Variants in DIP2A observed in about 807,000 individuals in gnomAD.
DIP2A encodes the protein disco-interacting protein 2 homolog A.
A neutral mutation model predicts 177.4 loss-of-function variants in DIP2A; 85 were observed. That is an observed-to-expected ratio of 0.48 (90% CI 0.40 to 0.57). DIP2A has a LOEUF of 0.57. Ranked by LOEUF, DIP2A falls within the 20% of genes least tolerant of loss-of-function variation. The pLI is 0.00. For missense variants in DIP2A, 1,791 were observed against 2,100.2 expected, an observed-to-expected ratio of 0.85 and a Z score of 2.88; for synonymous variants, 886 against 881.8, an observed-to-expected ratio of 1.00 and a Z score of -0.08.
chr21:46,466,840 G>C (rs1373566533), intron 1 of DIP2A, among the ~76,000 whole-genome samples: 1 of 152,074 alleles, frequency 6.6e-6, no homozygotes, highest in Non-Finnish European at 1.5e-5. Context: ...ACAGGAGCAG[G>C]TATGAGAATC....
chr21:46,555,451 A>G (rs796609759), intron 28 of DIP2A: 4 of 194,968 alleles, frequency 2.1e-5, no homozygotes, highest in African/African-American at 7.0e-5. Flanking sequence ...CTCAGAGCCA[A>G]ACAGCTGGCC....
chr21:46,494,213 G>A (rs1360740337), intron 3 of DIP2A, among the ~76,000 whole-genome samples: 1 of 152,212 alleles, frequency 6.6e-6, no homozygotes, highest in African/African-American at 2.4e-5. Context: ...TCAAATAAGA[G>A]CTACACATTG....
At chr21:46,580,713 G>A in the DIP2A span, among the ~76,000 whole-genome samples, 1 of 152,050 alleles carries the variant, frequency 6.6e-6, no homozygotes, top group Non-Finnish European at 1.5e-5. Flanking sequence ...ATCTTAATTT[G>A]ACCATATATA....
intron 18 of DIP2A, among the ~76,000 whole-genome samples, chr21:46,543,442 G>A (rs1569077767): frequency 6.6e-6 from 1 of 151,666 alleles, no homozygotes; most frequent in Non-Finnish European, 1.5e-5. Context: ...CCTCCCCCGG[G>A]CGTGCACACA....
In DIP2A at chr21:46,551,899, G is replaced by T; in HGVS notation, c.3025G>T (p.Ala1009Ser). The change falls in exon 25 of 38, where the codon GCC becomes TCC. Residue 1009 changes from alanine to serine, a missense_variant. By Grantham distance (99) the Ala-to-Ser change is moderately conservative (BLOSUM62 1). Coordinates refer to ENST00000417564, the MANE Select transcript of DIP2A (RefSeq NM_015151.4). ...PDHPLFLLLN[A>S]KGTVTSTATC... ...CCACCCGCTGTTCTTGCTGCTGAAC[G>T]CCAAGGTGAGGCAGTGTCACGCCCA... The T allele has an allele frequency of 6.2e-7, 1 of 1,602,562 alleles. No homozygotes were observed.
chr21:46,547,109 C>CAGTAGATGG, intron 21 of DIP2A, 67 bp downstream of exon 21: 1 of 1,574,524 alleles, frequency 6.4e-7, no homozygotes, highest in Non-Finnish European at 8.7e-7. Flanking sequence ...AGTCTTTGTG[C>CAGTAGATGG]AGTAGATGGA....
intron 8 of DIP2A, among the ~76,000 whole-genome samples, chr21:46,522,158 T>A (rs1329965462): frequency 1.3e-5 from 2 of 152,262 alleles, no homozygotes; most frequent in Non-Finnish European, 2.9e-5. Flanking sequence ...TCCCAAAGGT[T>A]ACTTAAGTCA....
Position 46,567,810 on chromosome 21 carries a change from C to T in DIP2A, c.*188C>T, listed in dbSNP as rs2060879807. 3.1e-6 allele frequency: 2 copies of T among 638,532 alleles called. No homozygotes were observed. The highest frequency in any genetic ancestry group is 4.8e-6 in the Non-Finnish European group (2 of 416,402). 39.6% of individuals were successfully genotyped at this position (638,532 alleles called of 1,614,324 possible). On this transcript the variant is annotated 3_prime_UTR_variant, in exon 38 of 38. Coordinates refer to ENST00000417564, the MANE Select transcript of DIP2A (RefSeq NM_015151.4). Reference sequence around the variant, plus strand: ...AATTATTTAAAGAAATATTTTGAATCTGCCAAGTACATTTACAAAAACACG... The same window carrying T: ...AATTATTTAAAGAAATATTTTGAATTTGCCAAGTACATTTACAAAAACACG...
chr21:46,458,977 G>C lies in DIP2A; in HGVS notation c.-155G>C, dbSNP rs1279798616. On this transcript the variant is annotated 5_prime_UTR_variant, in exon 1 of 38. Transcript: ENST00000417564. Reference sequence around the variant, plus strand: ...GCGCTCGTGCCCGCGCGGGTGCGTTGCTGTCCTGGCCGCGCCCCTGTCCCG... The same window carrying C: ...GCGCTCGTGCCCGCGCGGGTGCGTTCCTGTCCTGGCCGCGCCCCTGTCCCG... 2 of 515,600 alleles carry C rather than the reference G, an allele frequency of 3.9e-6. No individual in the cohort carries two copies. Among genetic ancestry groups the C allele is most frequent in the African/African-American group, 4.0e-5 (2 of 49,522 alleles). 31.9% of individuals were successfully genotyped at this position (515,600 alleles called of 1,614,324 possible).
At chr21:46,544,727 G>T (rs1256197359) in intron 18 of DIP2A, among the ~76,000 whole-genome samples, 1 of 152,176 alleles carries the variant, frequency 6.6e-6, no homozygotes, top group Non-Finnish European at 1.5e-5. Flanking sequence ...GCAGAGTTCT[G>T]TCAGGCTCTG....
chr21:46,465,966 C>T (rs1320093110), intron 1 of DIP2A, among the ~76,000 whole-genome samples: 1 of 151,928 alleles, frequency 6.6e-6, no homozygotes, highest in Non-Finnish European at 1.5e-5. Context: ...ATTTGGTGGA[C>T]GTTTTCTGGA....
At chr21:46,555,797 A>G (rs1186152304) in intron 28 of DIP2A, 185 bp from the exon 29 acceptor site, 3 of 607,428 alleles carry the variant, frequency 4.9e-6, no homozygotes, top group African/African-American at 1.8e-5. Context: ...TAGCGTTTCC[A>G]TGAAGAATGA....
intron 3 of DIP2A, among the ~76,000 whole-genome samples, chr21:46,495,468 A>G (rs1295501208): frequency 1.3e-5 from 2 of 151,650 alleles, no homozygotes; most frequent in African/African-American, 4.8e-5. Flanking sequence ...GGGTTTCTCC[A>G]TGTTGACCAG....
intron 1 of DIP2A, among the ~76,000 whole-genome samples, chr21:46,484,099 G>A (rs966896667): frequency 2.0e-5 from 3 of 152,088 alleles, no homozygotes; most frequent in South Asian, 2.1e-4. Flanking sequence ...GGCCTGGGAC[G>A]GCTTGTGTCC....
In DIP2A at chr21:46,564,817, G is replaced by T. The variant is rs188130650; in HGVS notation, c.4164+885G>T. Among the ~76,000 whole-genome samples the T allele has an allele frequency of 2.6e-5, 4 of 152,308 alleles. No individual in the cohort carries two copies. The East Asian group carries it at 7.7e-4, about 29-fold the overall frequency. On this transcript the variant is annotated intron_variant, in intron 35 of 37. Coordinates refer to ENST00000417564, the MANE Select transcript of DIP2A (RefSeq NM_015151.4). ...TCTTACCGTGTCCTGATGGGAAGGT[G>T]TCCTGGGTCCCAACCCTGAGTGTGG...
intron 37 of DIP2A, among the ~76,000 whole-genome samples, chr21:46,566,958 T>C (rs1306757997): frequency 1.3e-5 from 2 of 152,250 alleles, no homozygotes; most frequent in African/African-American, 4.8e-5. Context: ...TGCCTGTGTT[T>C]GGGTTTGGCT....
intron 1 of DIP2A, among the ~76,000 whole-genome samples, chr21:46,473,183 A>T (rs574849944): frequency 1.3e-5 from 2 of 152,294 alleles, no homozygotes; most frequent in Admixed American, 6.5e-5. Context: ...AAATATGTGT[A>T]CACATTCAAG....
chr21:46,548,181 CGT>C lies in DIP2A; in HGVS notation c.2522+1166_2522+1167del, dbSNP rs151337762. 3.8e-3 allele frequency among the ~76,000 whole-genome samples: 554 copies of C among 147,064 alleles called. 2 individuals carry two copies. Among genetic ancestry groups the C allele is most frequent in the East Asian group, 9.0e-3 (45 of 4,988 alleles). On this transcript the variant is annotated intron_variant, in intron 21 of 37. Coordinates refer to ENST00000417564, the MANE Select transcript of DIP2A (RefSeq NM_015151.4). ...GGCAGGCTGTGCTCATGCATGTGTG[CGT>C]GTGTGTGTGTGTGTGTGTGTGTGTG...
intron 6 of DIP2A, among the ~76,000 whole-genome samples, chr21:46,504,842 TAGTC>T (rs1395196770): frequency 6.6e-6 from 1 of 152,150 alleles, no homozygotes; most frequent in Non-Finnish European, 1.5e-5. Flanking sequence ...CAGAATGACT[TAGTC>T]AGTGCGAGTG....
Sources: allele counts gnomAD v4.1 joint callset (sites outside exome capture counted in the v4.1 genomes callset), GRCh38; gene constraint gnomAD v4.1.1; transcripts MANE v1.5; gene names NCBI Gene and HGNC (gene_info 2026-07-23, HGNC 2026-07-21).